Variants in CLASP1 observed in about 807,000 individuals in gnomAD.
The protein encoded by CLASP1 is CLIP-associating protein 1.
Under a neutral mutation model 192.3 loss-of-function variants are expected in CLASP1, and 38 were observed. That is an observed-to-expected ratio of 0.20 (90% CI 0.15 to 0.26). The LOEUF (loss-of-function observed/expected upper bound fraction) is 0.26, where lower values mean the gene tolerates loss of function less well. Ranked by LOEUF, CLASP1 falls within the 10% of genes least tolerant of loss-of-function variation. The pLI, the probability that CLASP1 is intolerant of heterozygous loss-of-function variation, is 1.00. For synonymous variants in CLASP1, 691 were observed against 712.8 expected, an observed-to-expected ratio of 0.97 and a Z score of 0.49; for missense variants, 1,433 against 1,932.5, an observed-to-expected ratio of 0.74 and a Z score of 4.85.
chr2:121,499,134 G>T (rs1233678602), intron 8 of CLASP1, among the ~76,000 whole-genome samples: 4 of 152,142 alleles, frequency 2.6e-5, no homozygotes, highest in African/African-American at 9.7e-5. Flanking sequence ...AATGTTCAAA[G>T]AATCATTCTT....
chr2:121,628,752 T>C (rs10185512), intron 1 of CLASP1, among the ~76,000 whole-genome samples: 29,166 of 151,620 alleles, frequency 0.19, 4,997 homozygotes, highest in African/African-American at 0.46. Flanking sequence ...TAAAAAGTAG[T>C]AATACATAGG....
intron 1 of CLASP1, among the ~76,000 whole-genome samples, chr2:121,620,256 G>A (rs1003657157): frequency 2.0e-5 from 3 of 151,856 alleles, no homozygotes; most frequent in Admixed American, 2.0e-4. Flanking sequence ...GAATTAGCAG[G>A]GCCAGTGGCA....
intron 9 of CLASP1, among the ~76,000 whole-genome samples, chr2:121,468,648 T>C (rs1206581075): frequency 6.6e-6 from 1 of 152,198 alleles, no homozygotes; most frequent in Admixed American, 6.5e-5. Flanking sequence ...TTTGCTGAAG[T>C]TGCTTATCAG....
intron 24 of CLASP1, among the ~76,000 whole-genome samples, chr2:121,408,629 C>G (rs2077253670): frequency 6.6e-6 from 1 of 152,138 alleles, no homozygotes; most frequent in African/African-American, 2.4e-5. Context: ...GATAGCATCC[C>G]CCTTTTAATC....
chr2:121,605,636 G>C, intron 2 of CLASP1, 65 bp downstream of exon 2: 2 of 1,230,040 alleles, frequency 1.6e-6, no homozygotes, highest in Admixed American at 3.7e-5. Context: ...TTTTTATAAG[G>C]GCCAATTTTG....
At chr2:121,533,501 G>A (rs1424761585) in intron 2 of CLASP1, among the ~76,000 whole-genome samples, 4 of 152,288 alleles carry the variant, frequency 2.6e-5, no homozygotes, top group Non-Finnish European at 4.4e-5. Flanking sequence ...TGCCTGGCAC[G>A]TGGTAAGGGT....
exon 22 of CLASP1, chr2:121,425,239 G>A: frequency 5.0e-6 from 8 of 1,613,460 alleles, no homozygotes; most frequent in Admixed American, 1.7e-5. Context: ...GGCCTCGTGA[G>A]GAGCCCCCAG....
At chr2:121,623,070 C>T (rs1022847246) in intron 1 of CLASP1, among the ~76,000 whole-genome samples, 1 of 151,604 alleles carries the variant, frequency 6.6e-6, no homozygotes, top group African/African-American at 2.4e-5. Context: ...TAAACAATAT[C>T]TATATATATA....
rs547945658 is a variant in CLASP1, at chr2:121,575,051, A to AT, written c.195+30649dup. 6.8e-3 allele frequency among the ~76,000 whole-genome samples: 1,041 copies of AT among 152,284 alleles called. 5 individuals are homozygous for AT. Among genetic ancestry groups the AT allele is most frequent in the Middle Eastern group, 0.02 (6 of 294 alleles). On this transcript the variant is annotated intron_variant, in intron 2 of 39. Transcript: ENST00000263710. ...TAGCTCGATTTAGCCATTCCACAAT[A>AT]TTACATATTTCAAAGCATCATGTTG...
intron 2 of CLASP1, among the ~76,000 whole-genome samples, chr2:121,592,912 C>G (rs1350784835): frequency 1.3e-5 from 2 of 152,156 alleles, no homozygotes; most frequent in Non-Finnish European, 2.9e-5. Flanking sequence ...TCCCAAAGTG[C>G]TGGGATTACA....
At chr2:121,647,976 A>G (rs2106391496) in intron 1 of CLASP1, among the ~76,000 whole-genome samples, 1 of 152,366 alleles carries the variant, frequency 6.6e-6, no homozygotes, top group Non-Finnish European at 1.5e-5. Flanking sequence ...AACAACTGCT[A>G]AAAAGGTGTA....
At chr2:121,520,271 C>CA (rs1483482657) in intron 6 of CLASP1, among the ~76,000 whole-genome samples, 2 of 152,124 alleles carry the variant, frequency 1.3e-5, no homozygotes, top group African/African-American at 4.8e-5. Flanking sequence ...TCCTGCAAAG[C>CA]AAAAAACTCA....
intron 28 of CLASP1, among the ~76,000 whole-genome samples, chr2:121,400,842 T>A (rs1256679844): frequency 1.3e-5 from 2 of 152,190 alleles, no homozygotes; most frequent in Non-Finnish European, 1.5e-5. Context: ...ATTCCCCCCA[T>A]CCATCTTCCA....
At chr2:121,376,645 T>C (rs922806511) in intron 34 of CLASP1, among the ~76,000 whole-genome samples, 1 of 152,130 alleles carries the variant, frequency 6.6e-6, no homozygotes, top group Non-Finnish European at 1.5e-5. Flanking sequence ...CATAGACTGG[T>C]ATTGGTCTGT....
chr2:121,474,772 A>C (rs2091389379), intron 8 of CLASP1, among the ~76,000 whole-genome samples: 1 of 152,176 alleles, frequency 6.6e-6, no homozygotes, highest in African/African-American at 2.4e-5. Flanking sequence ...CATACTGAGC[A>C]GCCAATGTAG....
intron 7 of CLASP1, chr2:121,504,005 T>C (rs2093851225): frequency 6.6e-6 from 1 of 151,914 alleles, no homozygotes; most frequent in Admixed American, 6.6e-5. Flanking sequence ...CTGAAGCAGG[T>C]GGATCGCCTG....
At chr2:121,464,255 T>G (rs1323047621) in intron 9 of CLASP1, among the ~76,000 whole-genome samples, 1 of 152,050 alleles carries the variant, frequency 6.6e-6, no homozygotes, top group Admixed American at 6.6e-5. Context: ...TTGTTGGACA[T>G]TTGGGTTGGT....
chr2:121,510,683 A>C, intron 7 of CLASP1, among the ~76,000 whole-genome samples: 1 of 152,080 alleles, frequency 6.6e-6, no homozygotes, highest in East Asian at 1.9e-4. Context: ...CTGTAGTCCC[A>C]GCTACTTGGG....
rs547854597 is a variant in CLASP1 at position 121,464,650 on chromosome 2, G to C, written c.866-2045C>G. 2.6e-5 allele frequency among the ~76,000 whole-genome samples: 4 copies of C among 152,242 alleles called. No homozygotes were observed. In the South Asian group the frequency reaches 8.3e-4, roughly 32 times the overall value. The stretch of plus-strand genomic sequence containing the variant: ...TTTAGCTGCATAAATGTCTTCTTTT[G>C]AGAAGTGTCTGTTCATGTCCTTCAC... On this transcript the variant is annotated intron_variant, in intron 9 of 39. Coordinates refer to ENST00000263710, the Ensembl canonical transcript of CLASP1.
Sources: gnomAD v4.1 joint callset for allele counts (sites outside exome capture counted in the v4.1 genomes callset) on GRCh38, gnomAD v4.1.1 for gene constraint, MANE v1.5 for transcripts, NCBI Gene and HGNC (gene_info 2026-07-23, HGNC 2026-07-21) for gene names.